Variants in STUM observed in about 807,000 individuals in gnomAD.
STUM encodes the protein protein stum homolog.
In STUM, 8 loss-of-function variants were observed where a neutral mutation model predicts 15.3. The ratio of observed to expected loss-of-function variants is 0.52; its 90% confidence interval spans 0.31 to 0.94. The LOEUF (loss-of-function observed/expected upper bound fraction) is 0.94, where lower values mean the gene tolerates loss of function less well. Ranked by LOEUF, STUM falls within the 40% of genes least tolerant of loss-of-function variation. The probability of loss-of-function intolerance (pLI) is 0.05; values close to 1 mark genes in which losing one functional copy is unlikely to be tolerated. For synonymous variants in STUM, 78 were observed against 88.7 expected, an observed-to-expected ratio of 0.88 and a Z score of 0.68; for missense variants, 142 against 204.9, an observed-to-expected ratio of 0.69 and a Z score of 1.87.
chr1:226,557,989 A>G (rs1372098729), intron 1 of STUM, among the ~76,000 whole-genome samples: 1 of 152,228 alleles, frequency 6.6e-6, no homozygotes, highest in Non-Finnish European at 1.5e-5. Context: ...TCGTACCTTA[A>G]CACAATAAAG....
chr1:226,578,740 C>G (rs907503957), intron 1 of STUM, among the ~76,000 whole-genome samples: 4 of 152,258 alleles, frequency 2.6e-5, no homozygotes, highest in Middle Eastern at 3.4e-3. Context: ...CCCACAGCCA[C>G]CCCTGCAGCG....
chr1:226,580,025 G>A (rs1667893772), intron 1 of STUM, among the ~76,000 whole-genome samples: 1 of 152,234 alleles, frequency 6.6e-6, no homozygotes, highest in Non-Finnish European at 1.5e-5. Flanking sequence ...AGCTGTGGGA[G>A]ACCTGTAAGG....
At chr1:226,550,144 A>G (rs837748) in intron 1 of STUM, among the ~76,000 whole-genome samples, 134,287 of 152,206 alleles carry the variant, frequency 0.88, 59,261 homozygotes, top group East Asian at 0.92. Context: ...GTATGGTTCC[A>G]AGTTCCCAAG....
rs1668321303 is a variant in STUM at position 226,604,261 on chromosome 1, G to A, written c.*2221G>A. On this transcript the variant is annotated 3_prime_UTR_variant, in exon 4 of 4. Transcript: ENST00000366788. The surrounding 1 kb of genome is among the most constrained non-coding windows in gnomAD (Gnocchi z 4.7). ...GTTTAGTGACACAATCCAGATGCAG[G>A]TGGGACTTTCTTGAGTGGCAGGTGT... The A allele has an allele frequency of 6.6e-6, 1 of 152,276 alleles. No individual in the cohort carries two copies. Among genetic ancestry groups the A allele is most frequent in the Non-Finnish European group, 1.5e-5 (1 of 68,094 alleles). 9.4% of individuals were successfully genotyped at this position (152,276 alleles called of 1,614,324 possible). A position where few individuals can be genotyped will look rare whatever the true frequency, so the allele number is the denominator to read the frequency against.
At chr1:226,584,485 C>A (rs557726478) in intron 1 of STUM, among the ~76,000 whole-genome samples, 47 of 152,092 alleles carry the variant, frequency 3.1e-4, no homozygotes, top group African/African-American at 1.1e-3. Context: ...AAGAATTGGC[C>A]GCCTGAGTCT....
chr1:226,588,271 C>A (rs576685990), intron 1 of STUM, among the ~76,000 whole-genome samples: 1 of 152,340 alleles, frequency 6.6e-6, no homozygotes, highest in African/African-American at 2.4e-5. Flanking sequence ...CTCCGCAGAC[C>A]TGCTCAGCTT....
At chr1:226,576,838 T>C (rs17579954) in intron 1 of STUM, among the ~76,000 whole-genome samples, 5,154 of 152,356 alleles carry the variant, frequency 0.034, 98 homozygotes, top group South Asian at 0.063. Flanking sequence ...CCTTGGCTGA[T>C]GCCTCTCTGG....
In STUM at chr1:226,608,233, A is replaced by T. The variant is rs950493155; in HGVS notation, c.*6193A>T. 4.6e-5 allele frequency: 7 copies of T among 152,424 alleles called. No homozygotes were observed. The highest frequency in any genetic ancestry group is 6.5e-5 in the Admixed American group (1 of 15,304). The allele number at this position is 152,424 out of a possible 1,614,324, so 9.4% of individuals were successfully genotyped here. A position where few individuals can be genotyped will look rare whatever the true frequency, so the allele number is the denominator to read the frequency against. ...CCCACCCACCTGCTCCAGCACAGGA[A>T]CCAGGGAGGAAAGAAGGGAGAGGGA... is the stretch of plus-strand genomic sequence containing the variant. On this transcript the variant is annotated 3_prime_UTR_variant, in exon 4 of 4. Transcript: ENST00000366788. This position sits in a 1 kb window ranked among gnomAD's most constrained non-coding sequence, Gnocchi z 4.0.
At chr1:226,598,041 A>G (rs708754) in intron 2 of STUM, among the ~76,000 whole-genome samples, 58,864 of 152,084 alleles carry the variant, frequency 0.39, 11,567 homozygotes, top group Middle Eastern at 0.5. Context: ...CTGCCCTGTC[A>G]GAGGAATATT....
chr1:226,605,218 C>T lies in STUM; in HGVS notation c.*3178C>T, dbSNP rs1668337609. 6.6e-6 allele frequency: 1 copy of T among 152,402 alleles called. No homozygotes were observed. The allele number at this position is 152,402 out of a possible 1,614,324, so 9.4% of individuals were successfully genotyped here. ...CTCAGCTGCCCCAGACCCACACATC[C>T]AGCCCCAAGAGCAGCCTCACCCAGG... On this transcript the variant is annotated 3_prime_UTR_variant, in exon 4 of 4. Coordinates refer to ENST00000366788, the MANE Select transcript of STUM (RefSeq NM_001003665.4). This position sits in a 1 kb window ranked among gnomAD's most constrained non-coding sequence, Gnocchi z 4.0.
At chr1:226,578,904 G>T (rs368050456) in intron 1 of STUM, among the ~76,000 whole-genome samples, 1 of 152,190 alleles carries the variant, frequency 6.6e-6, no homozygotes, top group East Asian at 1.9e-4. Context: ...TCACACTGAA[G>T]TATTAGAGAC....
intron 1 of STUM, among the ~76,000 whole-genome samples, chr1:226,588,052 T>A (rs1239595553): frequency 1.3e-5 from 2 of 152,194 alleles, no homozygotes; most frequent in East Asian, 3.9e-4. Context: ...ACTGGCAGAT[T>A]CATTCTGCAA....
chr1:226,583,820 C>T (rs1007235883), intron 1 of STUM, among the ~76,000 whole-genome samples: 2 of 152,152 alleles, frequency 1.3e-5, no homozygotes, highest in Admixed American at 6.5e-5. Context: ...GGAGTAATTG[C>T]CCCTCTGCCC....
Position 226,565,341 on chromosome 1 carries a change from G to C in STUM, c.202+16235G>C, listed in dbSNP as rs974179343. 6.6e-6 allele frequency among the ~76,000 whole-genome samples: 1 copy of C among 152,062 alleles called. No homozygotes were observed. The highest frequency in any genetic ancestry group is 6.5e-5 in the Admixed American group (1 of 15,276). On this transcript the variant is annotated intron_variant, in intron 1 of 3. Coordinates refer to ENST00000366788, the MANE Select transcript of STUM (RefSeq NM_001003665.4). The surrounding 1 kb of genome is among the most constrained non-coding windows in gnomAD (Gnocchi z 4.4). The stretch of plus-strand genomic sequence containing the variant: ...TCCTTCATGAAGACCCTGGGGGTGG[G>C]AGCCTTTGCTTCCTGCTGGGACCCC...
At chr1:226,557,959 CAA>C (rs1344644254) in intron 1 of STUM, among the ~76,000 whole-genome samples, 1 of 152,098 alleles carries the variant, frequency 6.6e-6, no homozygotes, top group African/African-American at 2.4e-5. Context: ...AAAATCTCAC[CAA>C]AGTTAGGTGT....
intron 1 of STUM, among the ~76,000 whole-genome samples, chr1:226,578,749 C>T (rs1003041419): frequency 6.6e-5 from 10 of 152,144 alleles, no homozygotes; most frequent in African/African-American, 2.2e-4. Flanking sequence ...ACCCCTGCAG[C>T]GGCTGCTTCC....
At position 226,549,117 on chromosome 1, in the gene STUM, G is replaced by A; in HGVS notation, c.202+11G>A. On this transcript the variant is annotated intron_variant, in intron 1 of 3. Coordinates refer to ENST00000366788, the MANE Select transcript of STUM (RefSeq NM_001003665.4). This position sits in a 1 kb window ranked among gnomAD's most constrained non-coding sequence, Gnocchi z 6.8. The stretch of plus-strand genomic sequence containing the variant: ...TCGTGCCGGGACTGGGTAAGACACG[G>A]CTGCCGCGACCCTTGCGACCCCCAC... The A allele has an allele frequency of 6.4e-7, 1 of 1,570,720 alleles. No individual in the cohort carries two copies.
chr1:226,590,180 C>T (rs931017868), intron 1 of STUM, among the ~76,000 whole-genome samples: 5 of 152,032 alleles, frequency 3.3e-5, no homozygotes, highest in East Asian at 1.9e-4. Context: ...CGACCCCTCC[C>T]GGCAGCTTCT....
intron 1 of STUM, among the ~76,000 whole-genome samples, chr1:226,579,693 A>C (rs1667888353): frequency 6.7e-6 from 1 of 150,224 alleles, no homozygotes; most frequent in African/African-American, 2.5e-5. Flanking sequence ...CAGTGGTGCA[A>C]TCATAGTTCA....
Sources: allele counts gnomAD v4.1 joint callset (sites outside exome capture counted in the v4.1 genomes callset), GRCh38; gene constraint gnomAD v4.1.1; non-coding constraint Gnocchi (gnomAD v3.1); transcripts MANE v1.5; gene names NCBI Gene and HGNC (gene_info 2026-07-23, HGNC 2026-07-21).